ZNF224: variants seen among roughly 807,000 people sequenced by gnomAD.
The protein encoded by ZNF224 is zinc finger protein 224, also known as bone marrow zinc finger 2.
Under a neutral mutation model 10.5 loss-of-function variants are expected in ZNF224, and 8 were observed. The observed-to-expected ratio is 0.76, with a 90% confidence interval of 0.45 to 1.37. ZNF224 has a LOEUF of 1.37. Among genes scored for constraint, ZNF224 ranks in the 40% most tolerant of loss-of-function variants. The probability of loss-of-function intolerance (pLI) is 0.00; values close to 1 mark genes in which losing one functional copy is unlikely to be tolerated. For missense variants in ZNF224, 754 were observed against 854.0 expected (o/e 0.88, Z 1.46); for synonymous variants, 282 against 287.8 (o/e 0.98, Z 0.20).
intron 3 of ZNF224, among the ~76,000 whole-genome samples, chr19:44,098,426 G>A (rs900516158): frequency 2.6e-5 from 4 of 152,188 alleles, no homozygotes; most frequent in African/African-American, 7.2e-5. Flanking sequence ...ATGGCAGGCT[G>A]TAACTGTGGC....
In ZNF224 at chr19:44,107,339, C is replaced by T; in HGVS notation, c.1179C>T (p.Val393=). 7.0e-6 allele frequency: 11 copies of T among 1,569,056 alleles called. No individual in the cohort carries two copies. Among genetic ancestry groups the T allele is most frequent in the Non-Finnish European group, 9.5e-6 (11 of 1,158,448 alleles). Residue 393 remains valine, a synonymous_variant, in exon 6 of 6, where the codon GTC becomes GTT. Transcript: ENST00000693561. ...WASCLLKHQR[V]HSGEKPFKCE... ...CGTGTCTTTTGAAACATCAGCGAGTCCACAGTGGAGAAAAACCATTCAAAT... is the reference window on the plus strand; with the variant it reads ...CGTGTCTTTTGAAACATCAGCGAGTTCACAGTGGAGAAAAACCATTCAAAT...
At chr19:44,101,251 C>T (rs1457810429) in intron 5 of ZNF224, 26 bp downstream of exon 5, 4 of 1,601,866 alleles carry the variant, frequency 2.5e-6, no homozygotes, top group African/African-American at 1.3e-5. Flanking sequence ...CTGTGAATCC[C>T]TGTATGTCTC....
intron 5 of ZNF224, 182 bp from the exon 6 acceptor site, chr19:44,106,214 T>C: frequency 3.2e-6 from 2 of 628,344 alleles, no homozygotes; most frequent in East Asian, 2.8e-5. Flanking sequence ...GTATTTTACA[T>C]ATGATACTTG....
intron 5 of ZNF224, among the ~76,000 whole-genome samples, chr19:44,103,964 T>G (rs928044254): frequency 6.6e-6 from 1 of 152,208 alleles, no homozygotes; most frequent in African/African-American, 2.4e-5. Context: ...GTGCTGAGAT[T>G]ACAGACATGA....
At chr19:44,098,051 G>A (rs575072685) in intron 3 of ZNF224, among the ~76,000 whole-genome samples, 163 bp downstream of exon 3, 1 of 152,122 alleles carries the variant, frequency 6.6e-6, no homozygotes, top group African/African-American at 2.4e-5. Flanking sequence ...TTTTGCATTT[G>A]TTTTTACTAC....
chr19:44,101,082 A>G, intron 4 of ZNF224, 51 bp from the exon 5 acceptor site: 1 of 1,611,740 alleles, frequency 6.2e-7, no homozygotes, highest in African/African-American at 1.3e-5. Flanking sequence ...CTTTACCTTG[A>G]TATTACCTAG....
rs1439667360 is a variant in ZNF224 at position 44,107,919 on chromosome 19, C to G, written c.1759C>G (p.Gln587Glu). The change falls in exon 6 of 6, where the codon CAA (glutamine) becomes GAA (glutamate). Residue 587 changes from glutamine (Q) to glutamate (E), a missense_variant. Physicochemically the swap from Gln to Glu is conservative, Grantham distance 29. Transcript: ENST00000693561. ...FTQNSQLHSH[Q>E]RVHTGEKPYK... Reference sequence around the variant, plus strand: ...TCAGAATTCACAGCTTCATTCTCATCAAAGAGTGCACACTGGAGAAAAGCC... The same window carrying G: ...TCAGAATTCACAGCTTCATTCTCATGAAAGAGTGCACACTGGAGAAAAGCC... 1.9e-6 allele frequency: 3 copies of G among 1,614,012 alleles called. No individual in the cohort carries two copies. Among genetic ancestry groups the G allele is most frequent in the Admixed American group, 3.3e-5 (2 of 59,990 alleles).
chr19:44,108,083 GC>G lies in ZNF224; in HGVS notation c.1924del (p.Gln642LysfsTer7). ...TTGTACAGAATTCATTCTCTAAAGT[GC>G]AAGAAAAAGTTCACAGTGTAGAAAA... Reference protein sequence around the residue: ...NIVQNSFSKVQEKVHSVEKPY... With the variant: ...NIVQNSFSKVXEKVHSVEKPY... On this transcript the variant is annotated frameshift_variant, in exon 6 of 6. Coordinates refer to ENST00000693561, the MANE Select transcript of ZNF224 (RefSeq NM_001321645.3). LOFTEE classifies it low-confidence loss of function (END_TRUNC). The G allele has an allele frequency of 6.2e-7, 1 of 1,611,840 alleles. No homozygotes were observed. Among genetic ancestry groups the G allele is most frequent in the Non-Finnish European group, 8.5e-7 (1 of 1,178,500 alleles).
At chr19:44,095,449 G>A (rs964200521) in intron 1 of ZNF224, 4 of 152,160 alleles carry the variant, frequency 2.6e-5, no homozygotes, top group African/African-American at 7.2e-5. Flanking sequence ...TCTTCTCTTG[G>A]GATACGTTGT....
chr19:44,096,747 T>C (rs1033669045), intron 2 of ZNF224, among the ~76,000 whole-genome samples: 1 of 152,224 alleles, frequency 6.6e-6, no homozygotes, highest in Non-Finnish European at 1.5e-5. Flanking sequence ...CACATTTCCA[T>C]AATCTTTAAT....
rs1322724191 is a variant in ZNF224, at chr19:44,097,896, G to T, written c.15+8G>T. 6.2e-7 allele frequency: 1 copy of T among 1,613,840 alleles called. No individual in the cohort carries two copies. The highest frequency in any genetic ancestry group is 1.7e-5 in the Admixed American group (1 of 59,954). ...AAAATGACCACGTTCAAGGTGGGTA[G>T]GACTTGCTTCTATTACTCTTAAAAT... On this transcript the variant is annotated splice_region_variant and intron_variant, in intron 3 of 5. Coordinates refer to ENST00000693561, the MANE Select transcript of ZNF224 (RefSeq NM_001321645.3).
Position 44,107,682 on chromosome 19 carries a change from G to A in ZNF224, c.1522G>A (p.Gly508Arg), listed in dbSNP as rs1031305753. 4 of 1,613,904 alleles carry A rather than the reference G, an allele frequency of 2.5e-6. No homozygotes were observed. The African/African-American group carries it at 4.0e-5, about 16-fold the overall frequency. ...TCATTCCCATCAGAGAGTTCACACT[G>A]GAGAAAAGCCATACAAATGTGAGAA... ...HLHSHQRVHT[G>R]EKPYKCEKCG... The change falls in exon 6 of 6, where the codon GGA becomes AGA. Residue 508 changes from glycine to arginine, a missense_variant. Coordinates refer to ENST00000693561, the MANE Select transcript of ZNF224 (RefSeq NM_001321645.3).
Position 44,106,598 on chromosome 19 carries a change from A to G in ZNF224, c.438A>G (p.Lys146=), listed in dbSNP as rs1193853739. Residue 146 remains lysine, a synonymous_variant, in exon 6 of 6, where the codon AAA becomes AAG. Coordinates refer to ENST00000693561, the MANE Select transcript of ZNF224 (RefSeq NM_001321645.3). ...TATCTGTAATTCACACAAGACAGAA[A>G]TCTTCCCAGGGCAATGGATATAAAC... ...AGLSVIHTRQ[K]SSQGNGYKPS... is the part of the protein sequence containing the mutation. 5 of 1,609,334 alleles carry G rather than the reference A, an allele frequency of 3.1e-6. No individual in the cohort carries two copies. The highest frequency in any genetic ancestry group is 4.2e-6 in the Non-Finnish European group (5 of 1,177,210).
rs763945305 is a variant in ZNF224, at chr19:44,106,976, T to C, written c.816T>C (p.Asp272=). Residue 272 remains aspartate (D), a synonymous_variant, in exon 6 of 6, where the codon GAT becomes GAC. Transcript: ENST00000693561. The stretch of plus-strand genomic sequence containing the variant: ...AATGCGGGAAGGCCTTCATTCACGA[T>C]TCCCAGCTTCAAGAACATCAGAGAA... ...CEECGKAFIH[D]SQLQEHQRIH... is the part of the protein sequence containing the mutation. The C allele has an allele frequency of 6.2e-7, 1 of 1,610,182 alleles. No homozygotes were observed. The highest frequency in any genetic ancestry group is 8.5e-7 in the Non-Finnish European group (1 of 1,177,930).
At chr19:44,102,641 T>C (rs1029799119) in intron 5 of ZNF224, among the ~76,000 whole-genome samples, 1 of 152,226 alleles carries the variant, frequency 6.6e-6, no homozygotes, top group Non-Finnish European at 1.5e-5. Context: ...GTGTTTACGG[T>C]GGACCCACAT....
Position 44,096,330 on chromosome 19 carries a change from T to C in ZNF224, c.-157-13T>C, listed in dbSNP as rs550315608. 2 of 152,368 alleles carry C rather than the reference T, an allele frequency of 1.3e-5. No homozygotes were observed. Among genetic ancestry groups the C allele is most frequent in the South Asian group, 4.1e-4 (2 of 4,830 alleles). 9.4% of individuals were successfully genotyped at this position (152,368 alleles called of 1,614,324 possible). A position where few individuals can be genotyped will look rare whatever the true frequency, so the allele number is the denominator to read the frequency against. ...TTTACATTTTTCCTGTTTGTTTTGT[T>C]GATGACCATCAGCTGAATACCACTA... On this transcript the variant is annotated splice_polypyrimidine_tract_variant and intron_variant, in intron 1 of 5. Transcript: ENST00000693561.
Position 44,106,674 on chromosome 19 carries a change from G to A in ZNF224, c.514G>A (p.Gly172Arg). 1 of 1,598,480 alleles carries A rather than the reference G, an allele frequency of 6.3e-7. No individual in the cohort carries two copies. Residue 172 changes from glycine to arginine, a missense_variant, in exon 6 of 6, where the codon GGA (glycine) becomes AGA (arginine). Transcript: ENST00000693561. ...TGATTTTCATCAACAATTACACTCA[G>A]GAGAGAAATCTCATACGTGTGATGA... ...HFDFHQQLHS[G>R]EKSHTCDECG...
At chr19:44,096,636 A>T (rs1265038560) in intron 2 of ZNF224, among the ~76,000 whole-genome samples, 1 of 152,150 alleles carries the variant, frequency 6.6e-6, no homozygotes, top group Non-Finnish European at 1.5e-5. Context: ...CTATATTTAA[A>T]TTTGTTCTAT....
intron 5 of ZNF224, among the ~76,000 whole-genome samples, chr19:44,102,526 C>CACA (rs1967570671): frequency 6.6e-6 from 1 of 152,170 alleles, no homozygotes; most frequent in Non-Finnish European, 1.5e-5. Context: ...ATAAGTGAAA[C>CACA]ACAAACTACG....
Sources: gnomAD v4.1 joint callset for allele counts (sites outside exome capture counted in the v4.1 genomes callset) on GRCh38, gnomAD v4.1.1 for gene constraint, MANE v1.5 for transcripts, NCBI Gene and HGNC (gene_info 2026-07-23, HGNC 2026-07-21) for gene names.